Variants in CACNA1H observed in about 807,000 individuals in gnomAD.
The protein encoded by CACNA1H is voltage-dependent T-type calcium channel subunit alpha-1H.
Under a neutral mutation model 192.5 loss-of-function variants are expected in CACNA1H, and 149 were observed. That is an observed-to-expected ratio of 0.77 (90% CI 0.68 to 0.89). The LOEUF (loss-of-function observed/expected upper bound fraction) is 0.89. Among genes scored for constraint, CACNA1H ranks in the 40% least tolerant of loss-of-function variants. CACNA1H has a pLI of 0.00. For synonymous variants in CACNA1H, 2,202 were observed against 1,475.2 expected, an observed-to-expected ratio of 1.49 and a Z score of -11.29; for missense variants, 4,257 against 3,423.5, an observed-to-expected ratio of 1.24 and a Z score of -6.08.
At chr16:1,196,422 C>T (rs890609960) in intron 5 of CACNA1H, among the ~76,000 whole-genome samples, 2 of 152,196 alleles carry the variant, frequency 1.3e-5, no homozygotes, top group African/African-American at 2.4e-5. Context: ...TGTGGCTCAG[C>T]TCACCTGGGG....
At chr16:1,199,483 A>G (rs1226629203) in intron 6 of CACNA1H, among the ~76,000 whole-genome samples, 1 of 104,308 alleles carries the variant, frequency 9.6e-6, no homozygotes, top group African/African-American at 3.8e-5. Context: ...GGCTCCACCC[A>G]CCGTGCGGTC....
At chr16:1,192,049 TCTG>T (rs1392872867) in intron 2 of CACNA1H, among the ~76,000 whole-genome samples, 2 of 152,300 alleles carry the variant, frequency 1.3e-5, no homozygotes, top group African/African-American at 2.4e-5. Flanking sequence ...TCTATGGTCT[TCTG>T]CTGTGTGTGT....
At position 1,202,442 on chromosome 16, in the gene CACNA1H, C is replaced by T. The variant is rs764559629; in HGVS notation, c.1992C>T (p.Val664=). ...PDPYEKIPHV[V]GEHGLGQAPG... Reference sequence around the variant, plus strand: ...CCTACGAGAAGATCCCGCATGTGGTCGGGGAGCATGGTGAGGACCCAGCCC... The same window carrying T: ...CCTACGAGAAGATCCCGCATGTGGTTGGGGAGCATGGTGAGGACCCAGCCC... Residue 664 remains valine (V), a synonymous_variant, in exon 9 of 35, where the codon GTC becomes GTT. Transcript: ENST00000348261. 108 of 1,493,134 alleles carry T rather than the reference C, an allele frequency of 7.2e-5. No individual in the cohort carries two copies. The highest frequency in any genetic ancestry group is 1.7e-4 in the Middle Eastern group (1 of 5,756). 92.5% of individuals were successfully genotyped at this position (1,493,134 alleles called of 1,614,324 possible).
intron 6 of CACNA1H, among the ~76,000 whole-genome samples, chr16:1,199,216 G>GA (rs1208969160): frequency 1.0e-4 from 3 of 28,648 alleles, no homozygotes; most frequent in Non-Finnish European, 1.8e-4. Context: ...CTGCACATAT[G>GA]CCCCACCCCC....
Position 1,178,148 on chromosome 16 carries a change from C to T in CACNA1H, c.300-16824C>T, listed in dbSNP as rs866955136. 4.8e-3 allele frequency among the ~76,000 whole-genome samples: 503 copies of T among 105,578 alleles called. 7 individuals are homozygous for T. The highest frequency in any genetic ancestry group is 0.018 in the African/African-American group (459 of 24,944). 69.3% of individuals were successfully genotyped at this position (105,578 alleles called of 152,430 possible). On this transcript the variant is annotated intron_variant, in intron 2 of 34. Transcript: ENST00000348261. Reference sequence around the variant, plus strand: ...GGACCCCATGGTCACTCCCCCACCCCGGAAACCGCCCCCCCATGGACTCTC... The same window carrying T: ...GGACCCCATGGTCACTCCCCCACCCTGGAAACCGCCCCCCCATGGACTCTC...
chr16:1,179,659 C>T (rs571225280), intron 2 of CACNA1H, among the ~76,000 whole-genome samples: 62 of 151,582 alleles, frequency 4.1e-4, no homozygotes, highest in Middle Eastern at 7.0e-3. Flanking sequence ...GAACTCCTGA[C>T]CTCAAGTGAT....
In CACNA1H at chr16:1,163,109, G is replaced by A. The variant is rs959377723; in HGVS notation, c.299+9073G>A. On this transcript the variant is annotated intron_variant, in intron 2 of 34. Transcript: ENST00000348261. ...CTCTCTGTTCTGGGCAGGTGAGGCA[G>A]CCTGCAGAAAGGTGTAGGTGTGGGC... Among the ~76,000 whole-genome samples, 5 of 152,262 alleles carry A rather than the reference G, an allele frequency of 3.3e-5. No homozygotes were observed. In the East Asian group the frequency reaches 9.6e-4, roughly 29 times the overall value.
intron 22 of CACNA1H, 66 bp from the exon 23 acceptor site, chr16:1,211,415 C>G (rs1969433833): frequency 1.2e-6 from 2 of 1,608,844 alleles, no homozygotes; most frequent in Non-Finnish European, 1.7e-6. Context: ...CACTCGCGCC[C>G]CAGGAAGTCC....
chr16:1,195,207 A>ATCAGGGCGAGGT lies in CACNA1H; in HGVS notation c.411+128_411+139dup, dbSNP rs1555508851. 2.6e-3 allele frequency: 1,928 copies of ATCAGGGCGAGGT among 752,102 alleles called. 37 individuals are homozygous for ATCAGGGCGAGGT. The African/African-American group carries it at 0.035, about 14-fold the overall frequency. The allele number at this position is 752,102 out of a possible 1,614,324, so 46.6% of individuals were successfully genotyped here. A position where few individuals can be genotyped will look rare whatever the true frequency, so the allele number is the denominator to read the frequency against. On this transcript the variant is annotated intron_variant, in intron 3 of 34. Coordinates refer to ENST00000348261, the MANE Select transcript of CACNA1H (RefSeq NM_021098.3). Reference sequence around the variant, plus strand: ...GGCGTGGAGTGGGTCAGGGTCGGGGATCAGGGCGAGGTTCACGGCGGGGCG... The same window carrying ATCAGGGCGAGGT: ...GGCGTGGAGTGGGTCAGGGTCGGGGATCAGGGCGAGGTTCAGGGCGAGGTTCACGGCGGGGCG...
At chr16:1,168,150 T>A (rs1045733263) in intron 2 of CACNA1H, among the ~76,000 whole-genome samples, 6 of 151,848 alleles carry the variant, frequency 4.0e-5, no homozygotes, top group Admixed American at 3.9e-4. Context: ...CAGGGCGGCC[T>A]CTGGTGCCCC....
intron 24 of CACNA1H, 44 bp from the exon 25 acceptor site, chr16:1,211,902 C>T (rs371584474): frequency 1.9e-5 from 30 of 1,611,748 alleles, no homozygotes; most frequent in Non-Finnish European, 3.4e-6. Flanking sequence ...GGTAGGGCCC[C>T]TGGCGGGGCA....
In CACNA1H at chr16:1,220,365, G is replaced by T. The variant is rs1319777512; in HGVS notation, c.6433G>T (p.Asp2145Tyr). The T allele has an allele frequency of 2.0e-6, 3 of 1,525,032 alleles. No individual in the cohort carries two copies. Among genetic ancestry groups the T allele is most frequent in the Non-Finnish European group, 2.6e-6 (3 of 1,144,710 alleles). The allele number at this position is 1,525,032 out of a possible 1,614,324, so 94.5% of individuals were successfully genotyped here. The change falls in exon 35 of 35, where the codon GAC becomes TAC. Residue 2145 changes from aspartate to tyrosine, a missense_variant. By Grantham distance (160) the Asp-to-Tyr change is radical. Coordinates refer to ENST00000348261, the MANE Select transcript of CACNA1H (RefSeq NM_021098.3). ...CAGCGTGGATGCTCAGGGCTTCCTG[G>T]ACAAGCCGGGCCGGGCAGACGAGCA... is the stretch of plus-strand genomic sequence containing the variant. ...LYSVDAQGFLDKPGRADEQWR... is the reference protein window; with the variant it reads ...LYSVDAQGFLYKPGRADEQWR...
chr16:1,198,114 G>A (rs185383844), intron 5 of CACNA1H, among the ~76,000 whole-genome samples: 2 of 152,288 alleles, frequency 1.3e-5, no homozygotes, highest in East Asian at 3.9e-4. Flanking sequence ...CCAGGAGGCA[G>A]CCCACCACCT....
At chr16:1,190,217 C>T (rs986790387) in intron 2 of CACNA1H, among the ~76,000 whole-genome samples, 1 of 152,236 alleles carries the variant, frequency 6.6e-6, no homozygotes, top group African/African-American at 2.4e-5. Flanking sequence ...GGGCTGTTCC[C>T]GGCTACGTTG....
At chr16:1,161,230 T>G (rs1423860032) in intron 2 of CACNA1H, among the ~76,000 whole-genome samples, 2 of 152,204 alleles carry the variant, frequency 1.3e-5, no homozygotes, top group Admixed American at 1.3e-4. Context: ...GCGAAGCTGT[T>G]CCTTTGTGGA....
chr16:1,180,214 G>A lies in CACNA1H; in HGVS notation c.300-14758G>A, dbSNP rs571366245. 1.7e-4 allele frequency among the ~76,000 whole-genome samples: 26 copies of A among 152,350 alleles called. No individual in the cohort carries two copies. The South Asian group carries it at 4.3e-3, about 25-fold the overall frequency. On this transcript the variant is annotated intron_variant, in intron 2 of 34. Transcript: ENST00000348261. This position sits in a 1 kb window ranked among gnomAD's most constrained non-coding sequence, Gnocchi z 4.4. Reference sequence around the variant, plus strand: ...CTGGGTGCACAGGCAGGTGGTGTGCGTCCGCATTGCAGAACACGGGGCGTT... The same window carrying A: ...CTGGGTGCACAGGCAGGTGGTGTGCATCCGCATTGCAGAACACGGGGCGTT...
At chr16:1,201,594 C>T (rs1483017088) in intron 8 of CACNA1H, 69 bp from the exon 9 acceptor site, 1 of 1,485,640 alleles carries the variant, frequency 6.7e-7, no homozygotes, top group African/African-American at 1.4e-5. Context: ...AGGCAGCGCA[C>T]AGTAGGGCTC....
At chr16:1,169,837 G>A (rs553183846) in intron 2 of CACNA1H, among the ~76,000 whole-genome samples, 4 of 152,254 alleles carry the variant, frequency 2.6e-5, no homozygotes, top group Admixed American at 6.5e-5. Context: ...GCCCAGGACC[G>A]GCTTCCCCGT....
chr16:1,153,179 C>G lies in CACNA1H; in HGVS notation c.-310C>G, dbSNP rs1426162322. The G allele has an allele frequency of 7.0e-5, 10 of 143,100 alleles. No individual in the cohort carries two copies. Among genetic ancestry groups the G allele is most frequent in the African/African-American group, 1.5e-4 (6 of 39,578 alleles). The allele number at this position is 143,100 out of a possible 1,614,324, so 8.9% of individuals were successfully genotyped here. On this transcript the variant is annotated 5_prime_UTR_variant, in exon 1 of 35. Transcript: ENST00000348261. ...CTGCCTCACCGGTCCCCGGCCCGCG[C>G]CCCGCGCCCCGCGCCCCGCGCCCCG...
Sources: gnomAD v4.1 joint callset for allele counts (sites outside exome capture counted in the v4.1 genomes callset) on GRCh38, gnomAD v4.1.1 for gene constraint, Gnocchi (gnomAD v3.1) non-coding constraint, MANE v1.5 for transcripts, NCBI Gene and HGNC (gene_info 2026-07-23, HGNC 2026-07-21) for gene names.